The following BNC1 variants were observed in gnomAD, a reference collection of about 807,000 sequenced individuals.
BNC1 encodes basonuclin zinc finger protein 1.
A neutral mutation model predicts 66.5 loss-of-function variants in BNC1; 8 were observed. That is an observed-to-expected ratio of 0.12 (90% CI 0.07 to 0.22). The LOEUF is 0.22. Among genes scored for constraint, BNC1 ranks in the 10% least tolerant of loss-of-function variants. The pLI is 1.00. For missense variants in BNC1, 1,069 were observed against 1,241.3 expected, an observed-to-expected ratio of 0.86 and a Z score of 2.09; for synonymous variants, 454 against 452.6, an observed-to-expected ratio of 1.00 and a Z score of -0.04.
intron 1 of BNC1, among the ~76,000 whole-genome samples, chr15:83,269,692 A>G (rs907986009): frequency 5.3e-5 from 8 of 152,146 alleles, no homozygotes; most frequent in Non-Finnish European, 1.2e-4. Context: ...TTAAACATAG[A>G]GTTACTATAT....
At chr15:83,268,112 G>T (rs1595938587) in intron 2 of BNC1, 21 bp downstream of exon 2, 1 of 1,597,646 alleles carries the variant, frequency 6.3e-7, no homozygotes, top group Non-Finnish European at 8.6e-7. Flanking sequence ...CAGGCCAAGA[G>T]AGGGTGAAAA....
intron 2 of BNC1, among the ~76,000 whole-genome samples, chr15:83,267,341 G>T (rs778820250): frequency 1.3e-5 from 2 of 152,170 alleles, no homozygotes; most frequent in Non-Finnish European, 2.9e-5. Flanking sequence ...ATAAGGAAAA[G>T]GGGTAAAAAC....
intron 1 of BNC1, among the ~76,000 whole-genome samples, chr15:83,282,805 T>TA (rs1355562243): frequency 6.6e-6 from 1 of 152,208 alleles, no homozygotes; most frequent in Non-Finnish European, 1.5e-5. Context: ...AATATATTTT[T>TA]AAAAAAATTG....
At position 83,263,489 on chromosome 15, in the gene BNC1, A is replaced by G; in HGVS notation, c.1762T>C (p.Ser588Pro). 6.2e-7 allele frequency: 1 copy of G among 1,614,200 alleles called. No individual in the cohort carries two copies. Among genetic ancestry groups the G allele is most frequent in the Non-Finnish European group, 8.5e-7 (1 of 1,180,028 alleles). Residue 588 changes from serine to proline, a missense_variant, in exon 4 of 5, where the codon TCT (serine) becomes CCT (proline). Ser to Pro is a moderately conservative substitution (Grantham distance 74, BLOSUM62 -1). This residue lies in a region of BNC1 where 657 missense variants were observed against 715.8 expected (regional missense o/e 0.92). Coordinates refer to ENST00000345382, the MANE Select transcript of BNC1 (RefSeq NM_001717.4). ...CCTGACTGTACATGCTGCTCCTCAG[A>G]TACTCTGTGTGACTGAGGACTGCAG... ...EACSPQSHRV[S>P]EEQHVQSGGL...
At chr15:83,276,547 CAGTT>C (rs893164524) in intron 1 of BNC1, among the ~76,000 whole-genome samples, 3 of 152,198 alleles carry the variant, frequency 2.0e-5, no homozygotes, top group African/African-American at 7.2e-5. Context: ...TTCCAAGTCT[CAGTT>C]GGTGGTCAGG....
intron 1 of BNC1, among the ~76,000 whole-genome samples, chr15:83,271,173 G>T (rs1219111198): frequency 1.3e-5 from 2 of 152,160 alleles, no homozygotes. Context: ...CTACTCAGGA[G>T]GCTGAGACAG....
chr15:83,280,602 T>C (rs545679807), intron 1 of BNC1, among the ~76,000 whole-genome samples: 16 of 152,336 alleles, frequency 1.1e-4, no homozygotes, highest in African/African-American at 3.8e-4. Flanking sequence ...GATCCCTTGC[T>C]TCAAATTCAG....
chr15:83,283,514 C>T lies in BNC1; in HGVS notation c.99+1016G>A, dbSNP rs2038406413. On this transcript the variant is annotated intron_variant, in intron 1 of 4. Transcript: ENST00000345382. ...TCGCAGGTCCCAAGGCCAGGCTGGG[C>T]GGGACTGTTAAGGGAGCTCGAAGTC... 8 of 985,234 alleles carry T rather than the reference C, an allele frequency of 8.1e-6. No individual in the cohort carries two copies. In the South Asian group the frequency reaches 2.8e-4, roughly 35 times the overall value. The allele number at this position is 985,234 out of a possible 1,614,324, so 61.0% of individuals were successfully genotyped here. A position where few individuals can be genotyped will look rare whatever the true frequency, so the allele number is the denominator to read the frequency against.
At chr15:83,272,695 G>A (rs1447663855) in intron 1 of BNC1, among the ~76,000 whole-genome samples, 1 of 152,134 alleles carries the variant, frequency 6.6e-6, no homozygotes, top group Non-Finnish European at 1.5e-5. Context: ...CAGGAAACCA[G>A]GTGACTGTCT....
In BNC1 at chr15:83,284,607, G is replaced by C; in HGVS notation, c.22C>G (p.Arg8Gly). MRRRPPS[R>G]GGRGAARARE... Reference sequence around the variant, plus strand: ...GCCCGGGCCGCCCCGCGTCCGCCCCGGCTCGGCGGGCGCCGCCGCATCCAC... The same window carrying C: ...GCCCGGGCCGCCCCGCGTCCGCCCCCGCTCGGCGGGCGCCGCCGCATCCAC... The change falls in exon 1 of 5, where the codon CGG (arginine) becomes GGG (glycine). Residue 8 changes from arginine (R) to glycine (G), a missense_variant. Physicochemically the swap from Arg to Gly is moderately radical, Grantham distance 125. Transcript: ENST00000345382. The C allele has an allele frequency of 2.0e-6, 2 of 1,005,594 alleles. No individual in the cohort carries two copies. The highest frequency in any genetic ancestry group is 1.2e-6 in the Non-Finnish European group (1 of 845,188). 62.3% of individuals were successfully genotyped at this position (1,005,594 alleles called of 1,614,324 possible). A position where few individuals can be genotyped will look rare whatever the true frequency, so the allele number is the denominator to read the frequency against.
Position 83,264,336 on chromosome 15 carries a change from T to G in BNC1, c.915A>C (p.Leu305Phe). The G allele has an allele frequency of 6.2e-7, 1 of 1,614,152 alleles. No homozygotes were observed. The highest frequency in any genetic ancestry group is 1.1e-5 in the South Asian group (1 of 91,082). Residue 305 changes from leucine (L) to phenylalanine (F), a missense_variant, in exon 4 of 5, where the codon TTA becomes TTC. Coordinates refer to ENST00000345382, the MANE Select transcript of BNC1 (RefSeq NM_001717.4). ...TTTTAGTAATAGCATCCGGACAGTT[T>G]AAACACTGATCTTTTTCAACCTGAA... ...TPFQVEKDQCLNCPDAITKKE... is the reference protein window; with the variant it reads ...TPFQVEKDQCFNCPDAITKKE...
intron 1 of BNC1, among the ~76,000 whole-genome samples, chr15:83,284,011 G>A (rs972692616): frequency 1.3e-5 from 2 of 152,074 alleles, no homozygotes; most frequent in Non-Finnish European, 2.9e-5. Flanking sequence ...ACCGGAGGCT[G>A]CCGCGCGCCC....
chr15:83,268,421 G>A (rs374975645), intron 1 of BNC1, among the ~76,000 whole-genome samples, 189 bp from the exon 2 acceptor site: 11 of 152,264 alleles, frequency 7.2e-5, no homozygotes, highest in South Asian at 4.1e-4. Context: ...CCTGGAGACC[G>A]TGAACACATT....
At chr15:83,262,123 C>A (rs1357855043) in intron 4 of BNC1, among the ~76,000 whole-genome samples, 1 of 148,754 alleles carries the variant, frequency 6.7e-6, no homozygotes, top group Non-Finnish European at 1.5e-5. Flanking sequence ...TCTCAGCTCA[C>A]TGCAATCTCT....
chr15:83,257,959 C>G lies in BNC1; in HGVS notation c.2468G>C (p.Gly823Ala), dbSNP rs377137350. Reference protein sequence around the residue: ...QASQTSVIFKGTSRMGSLVYP... With the variant: ...QASQTSVIFKATSRMGSLVYP... ...AACCAGACTGCCCATTCGACTTGTTCCTTTGAAGATGACAGATGTCTGGGA... is the reference window on the plus strand; with the variant it reads ...AACCAGACTGCCCATTCGACTTGTTGCTTTGAAGATGACAGATGTCTGGGA... Residue 823 changes from glycine (G) to alanine (A), a missense_variant, in exon 5 of 5, where the codon GGA becomes GCA. Gly to Ala is a moderately conservative substitution (Grantham distance 60). Around this residue, in one of 7 missense-constraint regions of BNC1, gnomAD observed 657 missense variants for 715.8 expected, o/e 0.92. Coordinates refer to ENST00000345382, the MANE Select transcript of BNC1 (RefSeq NM_001717.4). 1.1e-4 allele frequency: 183 copies of G among 1,614,010 alleles called. No individual in the cohort carries two copies. The highest frequency in any genetic ancestry group is 1.5e-4 in the Non-Finnish European group (180 of 1,180,004).
At chr15:83,271,137 G>A (rs1421352302) in intron 1 of BNC1, among the ~76,000 whole-genome samples, 1 of 152,122 alleles carries the variant, frequency 6.6e-6, no homozygotes, top group Non-Finnish European at 1.5e-5. Context: ...TTAGCCAGGT[G>A]TGGTGGCATG....
chr15:83,279,010 G>A (rs2038353443), intron 1 of BNC1, among the ~76,000 whole-genome samples: 1 of 152,144 alleles, frequency 6.6e-6, no homozygotes, highest in South Asian at 2.1e-4. Context: ...CTTGAATCCT[G>A]ATTTGAAGAA....
intron 4 of BNC1, 72 bp downstream of exon 4, chr15:83,262,879 G>A (rs139078962): frequency 1.1e-3 from 1,573 of 1,412,344 alleles, no homozygotes; most frequent in Non-Finnish European, 1.4e-3. Flanking sequence ...ACAATTCTCC[G>A]GGTGATTCTG....
rs372223474 is a variant in BNC1, at chr15:83,268,366, A to G, written c.100-134T>C. ...TATGTGCCCACTGTGTGCCAGGCCC[A>G]GAAGTGTATATTGTACTCTGGAAAG... On this transcript the variant is annotated intron_variant, in intron 1 of 4. Transcript: ENST00000345382. 1.5e-4 allele frequency: 111 copies of G among 759,858 alleles called. No individual in the cohort carries two copies. The East Asian group carries it at 2.0e-3, about 14-fold the overall frequency. The allele number at this position is 759,858 out of a possible 1,614,324, so 47.1% of individuals were successfully genotyped here.
Sources: gnomAD v4.1 joint callset for allele counts (sites outside exome capture counted in the v4.1 genomes callset) on GRCh38, gnomAD v4.1.1 for gene constraint, gnomAD v4.1.1 regional missense constraint, MANE v1.5 for transcripts, NCBI Gene and HGNC (gene_info 2026-07-23, HGNC 2026-07-21) for gene names.